Variants in FBXW4 observed in about 807,000 individuals in gnomAD.
FBXW4 encodes F-box/WD repeat-containing protein 4.
Under a neutral mutation model 61.8 loss-of-function variants are expected in FBXW4, and 40 were observed. The ratio of observed to expected loss-of-function variants is 0.65; its 90% CI spans 0.50 to 0.84. The LOEUF (loss-of-function observed/expected upper bound fraction) is 0.84, where lower values mean the gene tolerates loss of function less well. Among genes scored for constraint, FBXW4 ranks in the 40% least tolerant of loss-of-function variants. FBXW4 has a pLI of 0.00. For missense variants in FBXW4, 672 were observed against 753.8 expected (o/e 0.89, Z 1.27); for synonymous variants, 311 against 313.8 (o/e 0.99, Z 0.10).
intron 5 of FBXW4, among the ~76,000 whole-genome samples, chr10:101,648,964 A>C (rs907373103): frequency 6.6e-6 from 1 of 152,030 alleles, no homozygotes; most frequent in Non-Finnish European, 1.5e-5. Context: ...CCTCTCCTCT[A>C]CCATGCTCCA....
At chr10:101,658,249 A>T (rs1005347363) in intron 5 of FBXW4, among the ~76,000 whole-genome samples, 1 of 151,964 alleles carries the variant, frequency 6.6e-6, no homozygotes, top group African/African-American at 2.4e-5. Flanking sequence ...ATTTAAAAAT[A>T]AAAAAAATGG....
At chr10:101,683,185 T>A (rs1000596373) in intron 1 of FBXW4, among the ~76,000 whole-genome samples, 1 of 152,220 alleles carries the variant, frequency 6.6e-6, no homozygotes, top group Admixed American at 6.5e-5. Context: ...CTTGCTCCCA[T>A]CCTTGAAGAG....
intron 6 of FBXW4, among the ~76,000 whole-genome samples, chr10:101,613,836 G>A (rs12255066): frequency 0.22 from 33,090 of 152,234 alleles, 4,241 homozygotes; most frequent in Non-Finnish European, 0.29. Context: ...AATCCCCAAG[G>A]CAGCACCCCT....
intron 6 of FBXW4, among the ~76,000 whole-genome samples, chr10:101,620,125 G>T (rs11191067): frequency 0.16 from 24,695 of 151,934 alleles, 2,398 homozygotes; most frequent in Middle Eastern, 0.23. Context: ...TCCTCAAGTT[G>T]CAGCAGTGAC....
At position 101,682,257 on chromosome 10, in the gene FBXW4, G is replaced by A. The variant is rs182491271; in HGVS notation, c.726-5821C>T. Reference sequence around the variant, plus strand: ...TTTTCAGGCTGAACAATTAGGACTTGGCTATACACATGTTAAGGCTAAAAT... The same window carrying A: ...TTTTCAGGCTGAACAATTAGGACTTAGCTATACACATGTTAAGGCTAAAAT... On this transcript the variant is annotated intron_variant, in intron 1 of 8. Transcript: ENST00000331272. Among the ~76,000 whole-genome samples the A allele has an allele frequency of 2.0e-5, 3 of 152,196 alleles. No homozygotes were observed. The East Asian group carries it at 5.8e-4, about 29-fold the overall frequency.
rs750991422 is a variant in FBXW4 at position 101,634,756 on chromosome 10, A to T, written c.1236-9946T>A. On this transcript the variant is annotated intron_variant, in intron 5 of 8. Transcript: ENST00000331272. ...TCTCAGATGGATTAAGGAGATAAAC[A>T]TTTTTAAACTGTATGAAAACCCATA... 4.0e-5 allele frequency among the ~76,000 whole-genome samples: 6 copies of T among 149,232 alleles called. 1 individual carries two copies. The highest frequency in any genetic ancestry group is 1.5e-4 in the African/African-American group (6 of 39,872).
At chr10:101,666,393 C>T (rs1416526560) in intron 5 of FBXW4, among the ~76,000 whole-genome samples, 1 of 151,892 alleles carries the variant, frequency 6.6e-6, no homozygotes, top group African/African-American at 2.4e-5. Flanking sequence ...GAATTAATGA[C>T]GTGGCTAATC....
intron 5 of FBXW4, among the ~76,000 whole-genome samples, chr10:101,651,673 T>G (rs1464359253): frequency 6.6e-6 from 1 of 151,612 alleles, no homozygotes; most frequent in Non-Finnish European, 1.5e-5. Flanking sequence ...TCCCGGGCCC[T>G]CCCCTCCCTT....
intron 6 of FBXW4, among the ~76,000 whole-genome samples, chr10:101,617,337 A>G (rs1351970307): frequency 6.6e-6 from 1 of 152,150 alleles, no homozygotes; most frequent in Non-Finnish European, 1.5e-5. Flanking sequence ...CAACATCCTC[A>G]GGACTTGCCC....
At chr10:101,676,269 G>A in intron 2 of FBXW4, 72 bp downstream of exon 2, 3 of 1,309,128 alleles carry the variant, frequency 2.3e-6, no homozygotes, top group Non-Finnish European at 3.3e-6. Flanking sequence ...CCTCTATGTA[G>A]GACCAGATTT....
At chr10:101,627,886 G>A (rs536715540) in intron 5 of FBXW4, 1 of 890,174 alleles carries the variant, frequency 1.1e-6, no homozygotes, top group South Asian at 5.2e-5. Flanking sequence ...TTTGAAAAGG[G>A]GCTGGTGGGG....
chr10:101,667,799 A>G (rs1353204047), intron 5 of FBXW4, 87 bp downstream of exon 5: 1 of 1,209,834 alleles, frequency 8.3e-7, no homozygotes, highest in African/African-American at 1.5e-5. Context: ...AGAATACACA[A>G]CAGGAAGATT....
chr10:101,672,859 A>AC, intron 4 of FBXW4, 56 bp downstream of exon 4: 1 of 1,587,300 alleles, frequency 6.3e-7, no homozygotes, highest in Non-Finnish European at 8.6e-7. Context: ...GGATCTATCC[A>AC]CCCCCTCCCT....
chr10:101,616,796 T>C (rs2063828999), intron 6 of FBXW4, among the ~76,000 whole-genome samples: 1 of 152,180 alleles, frequency 6.6e-6, no homozygotes, highest in African/African-American at 2.4e-5. Flanking sequence ...ACTCCGTGAG[T>C]GGCAGACAGC....
intron 3 of FBXW4, 133 bp from the exon 4 acceptor site, chr10:101,673,180 A>T (rs1168300483): frequency 2.7e-6 from 3 of 1,121,250 alleles, no homozygotes; most frequent in Non-Finnish European, 2.5e-6. Flanking sequence ...CAGCCCAGTA[A>T]GGTGCTGACT....
chr10:101,629,379 G>T (rs996575974), intron 5 of FBXW4, among the ~76,000 whole-genome samples: 1 of 151,886 alleles, frequency 6.6e-6, no homozygotes, highest in Non-Finnish European at 1.5e-5. Flanking sequence ...TATCTCCCAG[G>T]TTCATGCCAT....
chr10:101,692,033 G>A (rs929962813), intron 1 of FBXW4, among the ~76,000 whole-genome samples: 1 of 151,764 alleles, frequency 6.6e-6, no homozygotes, highest in Non-Finnish European at 1.5e-5. Flanking sequence ...TGCAACAACA[G>A]ATATGTAAGA....
intron 5 of FBXW4, among the ~76,000 whole-genome samples, chr10:101,657,262 A>G (rs1301010573): frequency 1.3e-5 from 2 of 152,172 alleles, no homozygotes; most frequent in African/African-American, 4.8e-5. Flanking sequence ...GGCACCCCAG[A>G]GGCAGAGGGA....
At chr10:101,624,984 G>T in intron 5 of FBXW4, 174 bp from the exon 6 acceptor site, 1 of 703,040 alleles carries the variant, frequency 1.4e-6, no homozygotes, top group Non-Finnish European at 2.5e-6. Flanking sequence ...TTGGAGCACT[G>T]TGAGGGGTGT....
Sources: allele counts gnomAD v4.1 joint callset (sites outside exome capture counted in the v4.1 genomes callset), GRCh38; gene constraint gnomAD v4.1.1; transcripts MANE v1.5; gene names NCBI Gene and HGNC (gene_info 2026-07-23, HGNC 2026-07-21).